Variants in KRT72 observed in about 807,000 individuals in gnomAD.
KRT72 encodes the protein keratin, type II cytoskeletal 72.
A neutral mutation model predicts 44.7 loss-of-function variants in KRT72; 44 were observed. That is an observed-to-expected ratio of 0.98 (90% CI 0.77 to 1.27). The LOEUF (loss-of-function observed/expected upper bound fraction) is 1.27. Among genes scored for constraint, KRT72 ranks in the 50% most tolerant of loss-of-function variants. KRT72 has a pLI of 0.00. For missense variants in KRT72, 736 were observed against 667.1 expected, an observed-to-expected ratio of 1.10 and a Z score of -1.14; for synonymous variants, 302 against 280.4, an observed-to-expected ratio of 1.08 and a Z score of -0.77.
rs182698676 is a variant in KRT72, at chr12:52,599,302, T to A, written c.427-190A>T. On this transcript the variant is annotated intron_variant, in intron 1 of 8. Coordinates refer to ENST00000293745, the MANE Select transcript of KRT72 (RefSeq NM_080747.3). ...CTCCAAGACAAGAAATAGGACCCGG[T>A]CTATATGGAATCAGGAAGAGGGCTT... 21 of 668,642 alleles carry A rather than the reference T, an allele frequency of 3.1e-5. No individual in the cohort carries two copies. In the East Asian group the frequency reaches 5.9e-4, roughly 19 times the overall value. The allele number at this position is 668,642 out of a possible 1,614,324, so 41.4% of individuals were successfully genotyped here.
chr12:52,590,076 T>C (rs1026885677), intron 6 of KRT72, among the ~76,000 whole-genome samples: 1 of 152,042 alleles, frequency 6.6e-6, no homozygotes, highest in Non-Finnish European at 1.5e-5. Flanking sequence ...GGTAAGGAGA[T>C]GGGACAACTT....
intron 2 of KRT72, among the ~76,000 whole-genome samples, chr12:52,595,663 C>T (rs1251194743): frequency 6.6e-6 from 1 of 152,200 alleles, no homozygotes; most frequent in Non-Finnish European, 1.5e-5. Flanking sequence ...TGTACAAAAA[C>T]ATGAGGCAGA....
At chr12:52,601,469 T>G (rs1592237330), upstream of KRT72, 1 of 1,532,676 alleles carries the variant, frequency 6.5e-7, no homozygotes, top group Non-Finnish European at 8.7e-7. Context: ...CAAGTACCGG[T>G]GCTGGCCGCG....
chr12:52,586,299 T>C (rs572084688), intron 8 of KRT72, 127 bp from the exon 9 acceptor site: 61 of 673,634 alleles, frequency 9.1e-5, no homozygotes, highest in Non-Finnish European at 1.3e-4. Context: ...ATGGATTCTC[T>C]CTGTTGTGTG....
chr12:52,591,982 C>A (rs568551737), intron 4 of KRT72, among the ~76,000 whole-genome samples: 1 of 152,160 alleles, frequency 6.6e-6, no homozygotes, highest in Non-Finnish European at 1.5e-5. Context: ...CAGGCCTCTG[C>A]GCCCTTCTTC....
At position 52,599,104 on chromosome 12, in the gene KRT72, G is replaced by A. The variant is rs756430734; in HGVS notation, c.435C>T (p.Phe145=). The change falls in exon 2 of 9, where the codon TTC becomes TTT. Residue 145 remains phenylalanine, a synonymous_variant. Coordinates refer to ENST00000293745, the MANE Select transcript of KRT72 (RefSeq NM_080747.3). ...CTAGCACCTGATTCTGCTGCTCCAG[G>A]AACCGCACCTGGAACCCAAAGGCAG... The part of the protein sequence containing the change: ...KFASFIDKVR[F]LEQQNQVLET... The A allele has an allele frequency of 2.5e-6, 4 of 1,614,048 alleles. No individual in the cohort carries two copies. Among genetic ancestry groups the A allele is most frequent in the Middle Eastern group, 1.7e-4 (1 of 6,038 alleles).
chr12:52,591,714 T>C, intron 4 of KRT72, 86 bp from the exon 5 acceptor site: 2 of 1,314,702 alleles, frequency 1.5e-6, no homozygotes, highest in Non-Finnish European at 2.1e-6. Context: ...AATTCCTCAC[T>C]GTCCCTCTGC....
intron 6 of KRT72, among the ~76,000 whole-genome samples, chr12:52,588,338 A>G (rs998819685): frequency 1.9e-4 from 29 of 152,236 alleles, no homozygotes; most frequent in African/African-American, 7.0e-4. Flanking sequence ...TTGGTCCCCA[A>G]ATCCCAAAGA....
intron 1 of KRT72, among the ~76,000 whole-genome samples, chr12:52,599,946 G>A (rs1443411011): frequency 3.9e-5 from 6 of 152,134 alleles, no homozygotes; most frequent in Admixed American, 3.9e-4. Flanking sequence ...CACTTGGGAC[G>A]GCACCATAAA....
intron 6 of KRT72, among the ~76,000 whole-genome samples, chr12:52,589,892 T>C (rs1412554145): frequency 2.6e-5 from 4 of 152,212 alleles, no homozygotes; most frequent in Non-Finnish European, 4.4e-5. Context: ...CTGCGTTTTT[T>C]CTGCACTTAT....
intron 2 of KRT72, 65 bp from the exon 3 acceptor site, chr12:52,593,017 C>A: frequency 6.8e-7 from 1 of 1,467,704 alleles, no homozygotes; most frequent in East Asian, 2.4e-5. Context: ...TTAGTGACCA[C>A]CTCTGTGCTG....
rs147152413 is a variant in KRT72, at chr12:52,585,986, C to G, written c.1532G>C (p.Arg511Thr). The stretch of plus-strand genomic sequence containing the variant: ...ACAGAGCCAACCACTTGTCCATCAT[C>G]TGGAGGCCTTTTTGGTGGCACAGCT... ...GSSCATKKAS[R>T] The change falls in exon 9 of 9, where the codon AGA (arginine) becomes ACA (threonine). Residue 511 changes from arginine (R) to threonine (T), a missense_variant. Coordinates refer to ENST00000293745, the MANE Select transcript of KRT72 (RefSeq NM_080747.3). 3.0e-4 allele frequency: 486 copies of G among 1,612,558 alleles called. 2 individuals are homozygous for G. The highest frequency in any genetic ancestry group is 6.4e-5 in the Non-Finnish European group (75 of 1,179,166).
intron 6 of KRT72, among the ~76,000 whole-genome samples, chr12:52,588,573 A>C (rs1939875301): frequency 6.6e-6 from 1 of 152,092 alleles, no homozygotes; most frequent in African/African-American, 2.4e-5. Context: ...CTCAAGATGC[A>C]TGGTTGATAG....
chr12:52,598,527 A>C (rs1940295219), intron 2 of KRT72, among the ~76,000 whole-genome samples: 1 of 152,218 alleles, frequency 6.6e-6, no homozygotes, highest in African/African-American at 2.4e-5. Flanking sequence ...ACATGGAATA[A>C]GTTTTTTAAA....
chr12:52,586,894 C>A (rs1049086605), intron 8 of KRT72, 52 bp downstream of exon 8: 2 of 1,543,362 alleles, frequency 1.3e-6, no homozygotes, highest in African/African-American at 2.7e-5. Flanking sequence ...TAAAGGGACT[C>A]GGACTTCTGG....
intron 6 of KRT72, among the ~76,000 whole-genome samples, chr12:52,590,293 T>C (rs1939948978): frequency 6.6e-6 from 1 of 152,160 alleles, no homozygotes; most frequent in South Asian, 2.1e-4. Context: ...CCGATCTGGG[T>C]TGTGGGGGCT....
chr12:52,594,501 T>C (rs1940169840), intron 2 of KRT72, among the ~76,000 whole-genome samples: 1 of 151,896 alleles, frequency 6.6e-6, no homozygotes, highest in Non-Finnish European at 1.5e-5. Context: ...GAGCAACTAT[T>C]GCAAGGACAG....
At chr12:52,593,045 G>A in intron 2 of KRT72, 93 bp from the exon 3 acceptor site, 2 of 1,171,172 alleles carry the variant, frequency 1.7e-6, no homozygotes, top group Non-Finnish European at 2.4e-6. Context: ...CAGGGTGGGG[G>A]TCTTCAAACT....
intron 2 of KRT72, among the ~76,000 whole-genome samples, chr12:52,595,716 T>G (rs943999858): frequency 2.0e-5 from 3 of 152,226 alleles, no homozygotes; most frequent in Non-Finnish European, 4.4e-5. Flanking sequence ...ATAGGTGTAT[T>G]GAGTACTAAC....
Sources: gnomAD v4.1 joint callset for allele counts (sites outside exome capture counted in the v4.1 genomes callset) on GRCh38, gnomAD v4.1.1 for gene constraint, MANE v1.5 for transcripts, NCBI Gene and HGNC (gene_info 2026-07-23, HGNC 2026-07-21) for gene names.